ZNF678: variants seen among roughly 807,000 people sequenced by gnomAD.
ZNF678 encodes the protein zinc finger protein 678, also known as hypothetical protein MGC42493.
Under a neutral mutation model 3.0 loss-of-function variants are expected in ZNF678, and 5 were observed. The observed-to-expected ratio is 1.69, with a 90% confidence interval of 0.88 to 3.56. The LOEUF is 3.56. Ranked by LOEUF, ZNF678 falls within the 30% of genes most tolerant of loss-of-function variation. The pLI is 0.00. For synonymous variants in ZNF678, 218 were observed against 199.6 expected (o/e 1.09, Z -0.78); for missense variants, 593 against 605.0 (o/e 0.98, Z 0.21).
chr1:227,596,557 G>A (rs1038575168), intron 1 of ZNF678, among the ~76,000 whole-genome samples: 1 of 152,164 alleles, frequency 6.6e-6, no homozygotes, highest in African/African-American at 2.4e-5. Context: ...CGGGCTGTCT[G>A]CCTGTGGATT....
chr1:227,608,047 A>T (rs1657921792), intron 1 of ZNF678, among the ~76,000 whole-genome samples: 1 of 151,908 alleles, frequency 6.6e-6, no homozygotes, highest in Non-Finnish European at 1.5e-5. Context: ...ATTATTTTTG[A>T]TTACTTAAAA....
At chr1:227,614,283 T>G (rs1475045737) in intron 1 of ZNF678, among the ~76,000 whole-genome samples, 1 of 152,248 alleles carries the variant, frequency 6.6e-6, no homozygotes, top group African/African-American at 2.4e-5. Context: ...TTCCACTGCT[T>G]TATTGCCAGA....
intron 1 of ZNF678, among the ~76,000 whole-genome samples, chr1:227,596,792 A>G (rs552771777): frequency 6.6e-6 from 1 of 152,260 alleles, no homozygotes; most frequent in African/African-American, 2.4e-5. Context: ...TGCCTGTTAC[A>G]AAGGATGTGC....
At chr1:227,589,518 C>T (rs1657352634) in intron 1 of ZNF678, among the ~76,000 whole-genome samples, 1 of 151,568 alleles carries the variant, frequency 6.6e-6, no homozygotes, top group East Asian at 1.9e-4. Flanking sequence ...GAGGTTTATT[C>T]AGCTGGGAGC....
intron 1 of ZNF678, among the ~76,000 whole-genome samples, chr1:227,566,041 G>A (rs113835545): frequency 0.22 from 32,868 of 152,106 alleles, 4,042 homozygotes; most frequent in African/African-American, 0.33. Context: ...GATTACAGGC[G>A]TGAGCCACCG....
At position 227,655,552 on chromosome 1, in the gene ZNF678, A is replaced by T. The variant is rs752177757; in HGVS notation, c.1302A>T (p.Lys434Asn). The change falls in exon 4 of 4, where the codon AAA becomes AAT. Residue 434 changes from lysine to asparagine, a missense_variant. Coordinates refer to ENST00000343776, the MANE Select transcript of ZNF678 (RefSeq NM_001367909.1). ...TTCATACTGGAGAGAAACCCTACAA[A>T]TGTAAAGAATGTGGCAAAGCTTTTT... ...KRIHTGEKPY[K>N]CKECGKAFYQ... The T allele has an allele frequency of 6.2e-7, 1 of 1,612,472 alleles. No homozygotes were observed. The highest frequency in any genetic ancestry group is 8.5e-7 in the Non-Finnish European group (1 of 1,179,314).
intron 1 of ZNF678, among the ~76,000 whole-genome samples, chr1:227,575,467 T>C (rs975786806): frequency 2.0e-5 from 3 of 152,148 alleles, no homozygotes; most frequent in Non-Finnish European, 4.4e-5. Flanking sequence ...CCTTCCTAGT[T>C]AGCTGTATTT....
chr1:227,645,937 A>G (rs951517094), intron 1 of ZNF678, among the ~76,000 whole-genome samples: 1 of 152,248 alleles, frequency 6.6e-6, no homozygotes, highest in Non-Finnish European at 1.5e-5. Context: ...GGCATAAACC[A>G]TCACATTTAA....
At chr1:227,592,704 G>T (rs182005877) in intron 1 of ZNF678, among the ~76,000 whole-genome samples, 1 of 152,120 alleles carries the variant, frequency 6.6e-6, no homozygotes, top group Non-Finnish European at 1.5e-5. Context: ...TTCCTTGCGG[G>T]GCTCCAGTTG....
At chr1:227,653,118 A>G (rs1659128609) in intron 3 of ZNF678, among the ~76,000 whole-genome samples, 3 of 152,148 alleles carry the variant, frequency 2.0e-5, no homozygotes, top group African/African-American at 7.2e-5. Context: ...GTTTCTGTTG[A>G]TAAATTCACA....
intron 2 of ZNF678, among the ~76,000 whole-genome samples, chr1:227,649,158 A>T (rs1659029110): frequency 6.6e-6 from 1 of 152,206 alleles, no homozygotes; most frequent in African/African-American, 2.4e-5. Flanking sequence ...TGATACTGTA[A>T]TAAATATGAG....
chr1:227,577,851 T>G (rs1219194118), intron 1 of ZNF678, among the ~76,000 whole-genome samples: 1 of 152,182 alleles, frequency 6.6e-6, no homozygotes, highest in Non-Finnish European at 1.5e-5. Context: ...TGTACTTCAG[T>G]GTGTTTTTGT....
rs150296820 is a variant in ZNF678, at chr1:227,619,814, C to T, written c.-163-26730C>T. 4.4e-3 allele frequency among the ~76,000 whole-genome samples: 675 copies of T among 152,258 alleles called. 6 individuals are homozygous for T. Among genetic ancestry groups the T allele is most frequent in the Non-Finnish European group, 5.7e-3 (386 of 68,030 alleles). ...ATTTTTTGAATTTTTGCAATCAGAC[C>T]TTGGTGATGACCTTGAGCAGTTGGA... is the stretch of plus-strand genomic sequence containing the variant. On this transcript the variant is annotated intron_variant, in intron 1 of 3. Transcript: ENST00000343776.
chr1:227,616,453 G>T (rs910274157), intron 1 of ZNF678, among the ~76,000 whole-genome samples: 1 of 152,142 alleles, frequency 6.6e-6, no homozygotes, highest in Non-Finnish European at 1.5e-5. Context: ...TTTTTCCCCA[G>T]AAACAAATCT....
chr1:227,673,788 T>C (rs1191969827), intron 5 of ZNF678, among the ~76,000 whole-genome samples: 1 of 152,190 alleles, frequency 6.6e-6, no homozygotes, highest in African/African-American at 2.4e-5. Flanking sequence ...TTGGCAACTA[T>C]GAGCTCCTCA....
downstream of ZNF678, among the ~76,000 whole-genome samples, chr1:227,679,665 T>C (rs545668535): frequency 1.6e-4 from 24 of 152,226 alleles, no homozygotes; most frequent in South Asian, 5.0e-3. Context: ...CCCTTCCTTC[T>C]TTAACTCGGT....
chr1:227,611,319 T>TA (rs1319495230), intron 1 of ZNF678, among the ~76,000 whole-genome samples: 3 of 152,164 alleles, frequency 2.0e-5, no homozygotes, highest in Non-Finnish European at 4.4e-5. Context: ...GCCATCACCC[T>TA]ATCTATACAA....
chr1:227,602,027 A>T (rs1039145629), intron 1 of ZNF678, among the ~76,000 whole-genome samples: 1 of 152,150 alleles, frequency 6.6e-6, no homozygotes, highest in Non-Finnish European at 1.5e-5. Context: ...GGATAACATG[A>T]CTTCCTCTCT....
intron 1 of ZNF678, among the ~76,000 whole-genome samples, chr1:227,619,223 A>G (rs1445106254): frequency 6.6e-6 from 1 of 152,162 alleles, no homozygotes; most frequent in Non-Finnish European, 1.5e-5. Context: ...CTTGCCCTAC[A>G]CATCTCTTCC....
Sources: allele counts gnomAD v4.1 joint callset (sites outside exome capture counted in the v4.1 genomes callset), GRCh38; gene constraint gnomAD v4.1.1; transcripts MANE v1.5; gene names NCBI Gene and HGNC (gene_info 2026-07-23, HGNC 2026-07-21).